The following HMBOX1 variants were observed in gnomAD, a reference collection of about 807,000 sequenced individuals.
HMBOX1 encodes homeobox containing 1, also known as homeobox-containing protein 1.
A neutral mutation model predicts 54.5 loss-of-function variants in HMBOX1; 14 were observed. The observed-to-expected ratio is 0.26, with a 90% CI of 0.17 to 0.40. The LOEUF (loss-of-function observed/expected upper bound fraction) is 0.40. HMBOX1 is among the 10% of genes least tolerant of loss of function. The pLI is 1.00. For missense variants in HMBOX1, 332 were observed against 514.4 expected (o/e 0.65, Z 3.43); for synonymous variants, 160 against 181.0 (o/e 0.88, Z 0.93).
At chr8:29,035,104 A>G (rs1403498374) in intron 6 of HMBOX1, among the ~76,000 whole-genome samples, 1 of 152,152 alleles carries the variant, frequency 6.6e-6, no homozygotes, top group Non-Finnish European at 1.5e-5. Flanking sequence ...GCTATTCTCC[A>G]TGCTTGGTTT....
chr8:28,973,851 G>C (rs1827937420), intron 3 of HMBOX1, among the ~76,000 whole-genome samples: 1 of 99,690 alleles, frequency 1.0e-5, no homozygotes, highest in Non-Finnish European at 1.9e-5. Flanking sequence ...GTCTCGCTCT[G>C]TCACCCAGGC....
chr8:28,973,824 T>TGTTTTTTTTTTG (rs1563502137), intron 3 of HMBOX1, among the ~76,000 whole-genome samples: 2 of 83,232 alleles, frequency 2.4e-5, no homozygotes, highest in Non-Finnish European at 5.5e-5. Flanking sequence ...TTTTTTTTTT[T>TGTTTTTTTTTTG]TTTTTTTTTT....
intron 4 of HMBOX1, among the ~76,000 whole-genome samples, chr8:28,983,226 A>G (rs1829682547): frequency 6.6e-6 from 1 of 152,172 alleles, no homozygotes; most frequent in Non-Finnish European, 1.5e-5. Flanking sequence ...TTGATCAGAT[A>G]TCTTCTGATG....
chr8:29,016,631 A>C (rs1236601580), intron 5 of HMBOX1, among the ~76,000 whole-genome samples: 2 of 152,250 alleles, frequency 1.3e-5, no homozygotes, highest in Non-Finnish European at 2.9e-5. Flanking sequence ...GTTGCTGTCC[A>C]GCTGTCAGCC....
chr8:29,049,041 C>CTGAGCAGG lies in HMBOX1; in HGVS notation c.1124_1125+6dup. ...GATGATGTCGACGGGAATGACTACT[C>CTGAGCAGG]TGAGCAGGTGAGCCCCTGCGCAGCT... is the stretch of plus-strand genomic sequence containing the variant. On this transcript the variant is annotated frameshift_variant, in exon 9 of 10. Coordinates refer to ENST00000287701, the MANE Select transcript of HMBOX1 (RefSeq NM_001135726.3). LOFTEE classifies it high-confidence loss of function. The CTGAGCAGG allele has an allele frequency of 4.3e-6, 7 of 1,613,458 alleles. No homozygotes were observed. Among genetic ancestry groups the CTGAGCAGG allele is most frequent in the Non-Finnish European group, 5.9e-6 (7 of 1,179,654 alleles).
At chr8:28,921,112 A>G (rs1243838852) in intron 1 of HMBOX1, among the ~76,000 whole-genome samples, 1 of 152,174 alleles carries the variant, frequency 6.6e-6, no homozygotes, top group African/African-American at 2.4e-5. Flanking sequence ...AGGCGGGTGG[A>G]TCATTTGAGA....
chr8:28,996,164 T>C (rs1238538898), intron 4 of HMBOX1, among the ~76,000 whole-genome samples: 2 of 152,152 alleles, frequency 1.3e-5, no homozygotes, highest in East Asian at 3.8e-4. Context: ...ACTTTTTATA[T>C]TGAAGTGTTA....
intron 8 of HMBOX1, 109 bp downstream of exon 8, chr8:29,047,562 C>CTA: frequency 7.2e-6 from 3 of 414,448 alleles, no homozygotes; most frequent in Non-Finnish European, 1.3e-5. Context: ...ATCCTAACTT[C>CTA]TCTTTTTTTT....
chr8:28,996,284 ATAT>A (rs1563548366), intron 4 of HMBOX1, among the ~76,000 whole-genome samples: 1 of 152,112 alleles, frequency 6.6e-6, no homozygotes, highest in African/African-American at 2.4e-5. Context: ...TGAATTCTTT[ATAT>A]AAGTTCACGT....
intron 9 of HMBOX1, chr8:29,049,337 A>G (rs770094033): frequency 1.9e-5 from 29 of 1,533,674 alleles, no homozygotes; most frequent in African/African-American, 1.4e-5. Flanking sequence ...GAAGAAGTTC[A>G]GAGGGAGGCA....
chr8:28,905,917 C>T (rs1218579484), intron 1 of HMBOX1, among the ~76,000 whole-genome samples: 2 of 152,160 alleles, frequency 1.3e-5, no homozygotes, highest in Non-Finnish European at 2.9e-5. Flanking sequence ...AACACATTTC[C>T]AATCTTTGTA....
chr8:29,011,121 T>C (rs1385111387), intron 5 of HMBOX1, among the ~76,000 whole-genome samples: 3 of 152,236 alleles, frequency 2.0e-5, no homozygotes, highest in South Asian at 2.1e-4. Flanking sequence ...GAATTGTATT[T>C]AGGGAAATGG....
At chr8:28,895,765 A>G (rs565271089) in intron 1 of HMBOX1, among the ~76,000 whole-genome samples, 2 of 152,248 alleles carry the variant, frequency 1.3e-5, no homozygotes, top group East Asian at 3.9e-4. Flanking sequence ...AATTGGATGA[A>G]GTTCTCACTC....
chr8:29,049,295 T>C (rs1352775545), intron 9 of HMBOX1: 2 of 1,536,214 alleles, frequency 1.3e-6, no homozygotes, highest in Admixed American at 2.0e-5. Flanking sequence ...AACAGGATAC[T>C]TGGCAAGTAC....
chr8:28,958,336 A>C (rs946159705), intron 1 of HMBOX1, among the ~76,000 whole-genome samples: 2 of 152,172 alleles, frequency 1.3e-5, no homozygotes, highest in Non-Finnish European at 2.9e-5. Context: ...CATTGACAAA[A>C]AGATATTTTT....
chr8:29,045,157 A>G (rs1805388896), intron 6 of HMBOX1, among the ~76,000 whole-genome samples: 1 of 152,254 alleles, frequency 6.6e-6, no homozygotes, highest in Non-Finnish European at 1.5e-5. Context: ...CCTCCTTTCA[A>G]GTGCTCAGTA....
intron 1 of HMBOX1, among the ~76,000 whole-genome samples, chr8:28,955,287 C>G (rs1056208297): frequency 2.6e-5 from 4 of 151,860 alleles, no homozygotes; most frequent in Non-Finnish European, 4.4e-5. Context: ...TTCACATATC[C>G]TTCCTGATCC....
chr8:29,007,414 T>C (rs1833622106), intron 4 of HMBOX1, among the ~76,000 whole-genome samples: 1 of 152,266 alleles, frequency 6.6e-6, no homozygotes, highest in Non-Finnish European at 1.5e-5. Context: ...AGGCATACAG[T>C]GCCTACATTA....
intron 1 of HMBOX1, among the ~76,000 whole-genome samples, chr8:28,958,979 C>G (rs1428517352): frequency 6.6e-6 from 1 of 152,138 alleles, no homozygotes; most frequent in African/African-American, 2.4e-5. Flanking sequence ...AATGGACCCC[C>G]CTTATCCACC....
Sources: allele counts gnomAD v4.1 joint callset (sites outside exome capture counted in the v4.1 genomes callset), GRCh38; gene constraint gnomAD v4.1.1; transcripts MANE v1.5; gene names NCBI Gene and HGNC (gene_info 2026-07-23, HGNC 2026-07-21).